PMEL: variants seen among roughly 807,000 people sequenced by gnomAD.
PMEL encodes the protein melanocyte protein PMEL.
PMEL carries 53 observed loss-of-function variants against 64.9 expected under a neutral mutation model. The observed-to-expected ratio is 0.82, with a 90% confidence interval of 0.66 to 1.03. PMEL has a LOEUF of 1.03. PMEL is among the 50% of genes least tolerant of loss of function. The probability of loss-of-function intolerance (pLI) is 0.00; values close to 1 mark genes in which losing one functional copy is unlikely to be tolerated. For synonymous variants in PMEL, 299 were observed against 316.2 expected (o/e 0.95, Z 0.58); for missense variants, 716 against 814.9 (o/e 0.88, Z 1.48).
At chr12:55,958,684 G>C (rs1888992178) in intron 3 of PMEL, 77 bp from the exon 4 acceptor site, 5 of 1,453,442 alleles carry the variant, frequency 3.4e-6, no homozygotes, top group Non-Finnish European at 4.7e-6. Flanking sequence ...ATTGCTCCCA[G>C]GGTATCAGAG....
chr12:55,958,219 A>G, intron 4 of PMEL, 135 bp from the exon 5 acceptor site: 1 of 952,726 alleles, frequency 1.0e-6, no homozygotes, highest in South Asian at 1.7e-5. Flanking sequence ...GAAGGCTGTG[A>G]TATGGGGGGA....
At chr12:55,961,285 G>A (rs1281709886) in intron 3 of PMEL, 32 bp downstream of exon 3, 7 of 1,608,614 alleles carry the variant, frequency 4.4e-6, no homozygotes, top group Non-Finnish European at 6.0e-6. Flanking sequence ...CTGAGCCCTA[G>A]GAATAAGGAC....
intron 6 of PMEL, chr12:55,956,470 C>T: frequency 4.4e-6 from 2 of 451,574 alleles, no homozygotes; most frequent in South Asian, 3.3e-5. Context: ...ATGTTTATCA[C>T]ACCCCACACT....
chr12:55,961,755 G>A, intron 1 of PMEL, 23 bp from the exon 2 acceptor site: 2 of 1,505,754 alleles, frequency 1.3e-6, no homozygotes, highest in Non-Finnish European at 9.2e-7. Flanking sequence ...TGCCATGAAG[G>A]GCCCTAGGAT....
Position 55,956,154 on chromosome 12 carries a change from C to T in PMEL, c.1420G>A (p.Asp474Asn), listed in dbSNP as rs201323323. ...LRLVKRQVPL[D>N]CVLYRYGSFS... The stretch of plus-strand genomic sequence containing the variant: ...GAACCATATCGATACAGAACACAAT[C>T]CAGGGGGACTTGTCTCTTCACCAGC... The change falls in exon 7 of 11, where the codon GAT becomes AAT. Residue 474 changes from aspartate (D) to asparagine (N), a missense_variant. By Grantham distance (23) the Asp-to-Asn change is conservative. Transcript: ENST00000548747. 25 of 1,614,004 alleles carry T rather than the reference C, an allele frequency of 1.5e-5. No homozygotes were observed. Among genetic ancestry groups the T allele is most frequent in the Non-Finnish European group, 1.5e-5 (18 of 1,179,974 alleles).
At chr12:55,959,967 G>A (rs1174908993) in intron 3 of PMEL, among the ~76,000 whole-genome samples, 3 of 152,078 alleles carry the variant, frequency 2.0e-5, no homozygotes, top group Non-Finnish European at 4.4e-5. Context: ...GAGGTGGGCA[G>A]ATCACTTGAT....
chr12:55,956,256 C>A (rs761428902), intron 6 of PMEL, 37 bp from the exon 7 acceptor site: 1 of 1,349,632 alleles, frequency 7.4e-7, no homozygotes, highest in African/African-American at 1.4e-5. Context: ...GATCAAGAGA[C>A]AGATGACTCA....
At position 55,955,182 on chromosome 12, in the gene PMEL, C is replaced by G. The variant is rs60211191; in HGVS notation, c.1850+92G>C. On this transcript the variant is annotated intron_variant, in intron 10 of 10. Coordinates refer to ENST00000548747, the MANE Select transcript of PMEL (RefSeq NM_001384361.1). ...CTCTTTCCTGGACACCATGCTTCCT[C>G]AAAGGGAGAGGTGGTTTCTTCTCCC... 4,133 of 963,560 alleles carry G rather than the reference C, an allele frequency of 4.3e-3. 126 individuals carry two copies. The African/African-American group carries it at 0.058, about 14-fold the overall frequency. The allele number at this position is 963,560 out of a possible 1,614,324, so 59.7% of individuals were successfully genotyped here.
chr12:55,961,316 C>T lies in PMEL; in HGVS notation c.334+1G>A. 6.2e-7 allele frequency: 1 copy of T among 1,614,054 alleles called. No individual in the cohort carries two copies. Among genetic ancestry groups the T allele is most frequent in the Non-Finnish European group, 8.5e-7 (1 of 1,179,928 alleles). On this transcript the variant is annotated splice_donor_variant, in intron 3 of 10. Transcript: ENST00000548747. LOFTEE classifies it high-confidence loss of function. ...AGGACCTAGAATAGAGAAGTACTCA[C>T]CATTGATGATGGTATTGTTGACCCA...
intron 1 of PMEL, among the ~76,000 whole-genome samples, chr12:55,964,936 T>TC (rs1889236562): frequency 6.7e-6 from 1 of 150,188 alleles, no homozygotes; most frequent in Admixed American, 6.6e-5. Flanking sequence ...TTCTTTTTTT[T>TC]TTTTTTTTTG....
chr12:55,957,961 A>C lies in PMEL; in HGVS notation c.593T>G (p.Val198Gly). The C allele has an allele frequency of 1.2e-6, 2 of 1,614,252 alleles. No homozygotes were observed. Residue 198 changes from valine to glycine, a missense_variant, in exon 5 of 11, where the codon GTG (valine) becomes GGG (glycine). Physicochemically the swap from Val to Gly is moderately radical, Grantham distance 109 (BLOSUM62 -3). Transcript: ENST00000548747. The stretch of plus-strand genomic sequence containing the variant: ...GGCTGAGCTGGAATGAGCAAGAGGC[A>C]CATAGCTCCGGGATCCCCGGCGATG... ...VYHRRGSRSY[V>G]PLAHSSSAFT...
At chr12:55,963,393 T>C (rs1316881016) in intron 1 of PMEL, among the ~76,000 whole-genome samples, 2 of 152,236 alleles carry the variant, frequency 1.3e-5, no homozygotes, top group Non-Finnish European at 2.9e-5. Context: ...GCTTTGTTTA[T>C]CCTTACTAGT....
At chr12:55,955,410 C>T in intron 9 of PMEL, 49 bp from the exon 10 acceptor site, 1 of 1,612,866 alleles carries the variant, frequency 6.2e-7, no homozygotes. Flanking sequence ...TGCTGCTTGC[C>T]AGCTGCCCTC....
At position 55,957,558 on chromosome 12, in the gene PMEL, C is replaced by G; in HGVS notation, c.745G>C (p.Gly249Arg). 1 of 1,613,494 alleles carries G rather than the reference C, an allele frequency of 6.2e-7. No homozygotes were observed. Among genetic ancestry groups the G allele is most frequent in the Non-Finnish European group, 8.5e-7 (1 of 1,179,766 alleles). Residue 249 changes from glycine to arginine, a missense_variant, in exon 6 of 11, where the codon GGC becomes CGC. Transcript: ENST00000548747. Reference protein sequence around the residue: ...TFALQLHDPSGYLAEADLSYT... With the variant: ...TFALQLHDPSRYLAEADLSYT... ...GAGAGGTCAGCTTCAGCCAGATAGCCACTGGGGTCATGGAGCTGGAGGGCA... is the reference window on the plus strand; with the variant it reads ...GAGAGGTCAGCTTCAGCCAGATAGCGACTGGGGTCATGGAGCTGGAGGGCA...
chr12:55,958,148 G>A, intron 4 of PMEL, 64 bp from the exon 5 acceptor site: 1 of 1,560,852 alleles, frequency 6.4e-7, no homozygotes, highest in Admixed American at 1.7e-5. Flanking sequence ...CTGAGGGACA[G>A]GCTTCGAAAC....
Position 55,957,996 on chromosome 12 carries a change from C to T in PMEL, c.558G>A (p.Val186=), listed in dbSNP as rs1264715290. The T allele has an allele frequency of 1.2e-6, 2 of 1,614,064 alleles. No homozygotes were observed. Among genetic ancestry groups the T allele is most frequent in the Non-Finnish European group, 1.7e-6 (2 of 1,180,024 alleles). The change falls in exon 5 of 11, where the codon GTG becomes GTA. Residue 186 remains valine, a synonymous_variant. Transcript: ENST00000548747. ...RAMLGTHTME[V]TVYHRRGSRS... ...GGGATCCCCGGCGATGGTAGACAGTCACTTCCATGGTGTGTGTGCCCAGCA... is the reference window on the plus strand; with the variant it reads ...GGGATCCCCGGCGATGGTAGACAGTTACTTCCATGGTGTGTGTGCCCAGCA...
intron 9 of PMEL, 23 bp from the exon 10 acceptor site, chr12:55,955,384 T>C: frequency 1.2e-6 from 2 of 1,613,954 alleles, no homozygotes; most frequent in Non-Finnish European, 1.7e-6. Context: ...TCCCAGGCAC[T>C]GCTTCACTCA....
chr12:55,957,239 G>T lies in PMEL; in HGVS notation c.1064C>A (p.Thr355Asn). 2.5e-6 allele frequency: 4 copies of T among 1,614,184 alleles called. No individual in the cohort carries two copies. The highest frequency in any genetic ancestry group is 1.6e-4 in the Middle Eastern group (1 of 6,062). The change falls in exon 6 of 11, where the codon ACC (threonine) becomes AAC (asparagine). Residue 355 changes from threonine to asparagine, a missense_variant. Coordinates refer to ENST00000548747, the MANE Select transcript of PMEL (RefSeq NM_001384361.1). ...PSGTTSVQVPTTEVISTAPVQ... is the reference protein window; with the variant it reads ...PSGTTSVQVPNTEVISTAPVQ... ...AGGTGCAGTGCTTATGACTTCAGTG[G>T]TTGGCACCTGCACAGATGTGGTTCC... is the stretch of plus-strand genomic sequence containing the variant.
intron 10 of PMEL, 95 bp from the exon 11 acceptor site, chr12:55,954,444 G>T: frequency 7.6e-7 from 1 of 1,316,658 alleles, no homozygotes; most frequent in Non-Finnish European, 1.1e-6. Context: ...ATCCCAGTCT[G>T]CTTAGCCTTG....
Sources: allele counts gnomAD v4.1 joint callset (sites outside exome capture counted in the v4.1 genomes callset), GRCh38; gene constraint gnomAD v4.1.1; transcripts MANE v1.5; gene names NCBI Gene and HGNC (gene_info 2026-07-23, HGNC 2026-07-21).